Variants in BGN observed in about 807,000 individuals in gnomAD.
BGN encodes the protein biglycan, also known as bone/cartilage proteoglycan-I.
A neutral mutation model predicts 20.0 loss-of-function variants in BGN; 6 were observed. The observed-to-expected ratio is 0.30, with a 90% confidence interval of 0.16 to 0.59. BGN has a LOEUF of 0.59. Among genes scored for constraint, BGN ranks in the 20% least tolerant of loss-of-function variants. The probability of loss-of-function intolerance (pLI) is 0.88; values close to 1 mark genes in which losing one functional copy is unlikely to be tolerated. For synonymous variants in BGN, 146 were observed against 134.6 expected, an observed-to-expected ratio of 1.08 and a Z score of -0.59; for missense variants, 292 against 312.1, an observed-to-expected ratio of 0.94 and a Z score of 0.49.
intron 1 of BGN, among the ~76,000 whole-genome samples, chrX:153,500,799 A>ATGTGTGCATGTGTGCATGTG (rs1556991654): frequency 9.6e-6 from 1 of 104,245 alleles, no homozygotes; most frequent in Non-Finnish European, 2.0e-5. Flanking sequence ...GCATGTGTGT[A>ATGTGTGCATGTGTGCATGTG]TGTGTGCATG....
intron 1 of BGN, among the ~76,000 whole-genome samples, chrX:153,502,301 G>T (rs782591803): frequency 8.9e-6 from 1 of 112,427 alleles, no homozygotes; most frequent in Non-Finnish European, 1.9e-5. Flanking sequence ...CAGGGCTCTG[G>T]CGGGGTGTCC....
chrX:153,499,323 C>T (rs1411470387), intron 1 of BGN, among the ~76,000 whole-genome samples: 1 of 111,715 alleles, frequency 9.0e-6, no homozygotes, highest in Non-Finnish European at 1.9e-5. Flanking sequence ...CAGGAGCGCA[C>T]AGTGGGAAGG....
chrX:153,503,193 G>A (rs1437255336), intron 1 of BGN, among the ~76,000 whole-genome samples: 2 of 112,743 alleles, frequency 1.8e-5, no homozygotes, highest in South Asian at 3.6e-4. Flanking sequence ...GGGAAGCATC[G>A]GGCAGGGCGG....
Position 153,508,194 on chromosome X carries a change from G to A in BGN, c.910-54G>A, listed in dbSNP as rs950618752. 43 of 1,168,533 alleles carry A rather than the reference G, an allele frequency of 3.7e-5. No homozygotes were observed. The East Asian group carries it at 5.4e-4, about 15-fold the overall frequency. On this transcript the variant is annotated intron_variant, in intron 7 of 7. Coordinates refer to ENST00000331595, the MANE Select transcript of BGN (RefSeq NM_001711.6). ...CAGCAAAATGCCTCCTGGAGGCAGC[G>A]GGCTTGGCGTGGAGGGAGGGAGGCC...
chrX:153,503,359 C>T (rs1236213655), intron 1 of BGN, among the ~76,000 whole-genome samples: 1 of 112,444 alleles, frequency 8.9e-6, no homozygotes, highest in Non-Finnish European at 1.9e-5. Flanking sequence ...AAGTGAGGGT[C>T]TCCTGGGCGT....
chrX:153,502,197 G>A (rs1046628259), intron 1 of BGN, among the ~76,000 whole-genome samples: 5 of 112,056 alleles, frequency 4.5e-5, no homozygotes, highest in Non-Finnish European at 7.6e-5. Flanking sequence ...CTGTCCCCTC[G>A]GCCTTCCCCA....
Position 153,504,458 on chromosome X carries a change from G to A in BGN, c.-11-163G>A, listed in dbSNP as rs781997054. On this transcript the variant is annotated intron_variant, in intron 1 of 7. Coordinates refer to ENST00000331595, the MANE Select transcript of BGN (RefSeq NM_001711.6). The stretch of plus-strand genomic sequence containing the variant: ...AGCATCCACTCCCTTCCTGCCTGGA[G>A]CCCTCTGCCCACACTCCGCCCTCTC... Among the ~76,000 whole-genome samples, 164 of 112,610 alleles carry A rather than the reference G, an allele frequency of 1.5e-3. 1 individual carries two copies. The highest frequency in any genetic ancestry group is 5.2e-3 in the African/African-American group (162 of 31,043).
intron 1 of BGN, among the ~76,000 whole-genome samples, chrX:153,495,671 T>C (rs1556990605): frequency 9.0e-6 from 1 of 111,722 alleles, no homozygotes; most frequent in African/African-American, 3.3e-5. Flanking sequence ...GGCCAGTCCT[T>C]GGCATGGGCT....
At position 153,508,636 on chromosome X, in the gene BGN, G is replaced by A; in HGVS notation, c.*191G>A. On this transcript the variant is annotated 3_prime_UTR_variant, in exon 8 of 8. Coordinates refer to ENST00000331595, the MANE Select transcript of BGN (RefSeq NM_001711.6). ...TCCCTGGCTCCCAAGGGTGCAGGTG[G>A]GCGCAAGGCCCGGCCCCCATCACAT... 2 of 512,000 alleles carry A rather than the reference G, an allele frequency of 3.9e-6. No homozygotes were observed. Among genetic ancestry groups the A allele is most frequent in the Non-Finnish European group, 6.3e-6 (2 of 316,790 alleles). 42.2% of individuals were successfully genotyped at this position (512,000 alleles called of 1,213,427 possible). A position where few individuals can be genotyped will look rare whatever the true frequency, so the allele number is the denominator to read the frequency against.
intron 1 of BGN, among the ~76,000 whole-genome samples, chrX:153,503,934 GCCACGGCCTCCACCTCGGGGGCCT>G (rs2089779381): frequency 8.9e-6 from 1 of 112,054 alleles, no homozygotes. Context: ...TGTTGGGGGC[GCCACGGCCTCCACCTCGGGGGCCT>G]CCACTCAGTG....
chrX:153,495,596 G>C (rs1446892240), intron 1 of BGN: 1 of 95,218 alleles, frequency 1.1e-5, no homozygotes, highest in African/African-American at 3.9e-5. Flanking sequence ...GGGTCGGATC[G>C]GGGAGGACCG....
intron 1 of BGN, among the ~76,000 whole-genome samples, chrX:153,503,005 C>G (rs890264412): frequency 1.8e-5 from 2 of 112,856 alleles, no homozygotes; most frequent in Non-Finnish European, 3.8e-5. Context: ...AGCAGATGCT[C>G]CCTGGAGCAC....
At chrX:153,501,594 A>G (rs111269035) in intron 1 of BGN, among the ~76,000 whole-genome samples, 2 of 112,587 alleles carry the variant, frequency 1.8e-5, no homozygotes, top group Non-Finnish European at 3.8e-5. Flanking sequence ...CTCTGACTTC[A>G]TGGGCCCCTT....
rs370902723 is a variant in BGN at position 153,508,639 on chromosome X, G to T, written c.*194G>T. The T allele has an allele frequency of 2.9e-4, 141 of 492,876 alleles. No individual in the cohort carries two copies. In the African/African-American group the frequency reaches 3.3e-3, roughly 12 times the overall value. 40.6% of individuals were successfully genotyped at this position (492,876 alleles called of 1,213,427 possible). A position where few individuals can be genotyped will look rare whatever the true frequency, so the allele number is the denominator to read the frequency against. On this transcript the variant is annotated 3_prime_UTR_variant, in exon 8 of 8. Coordinates refer to ENST00000331595, the MANE Select transcript of BGN (RefSeq NM_001711.6). ...CTGGCTCCCAAGGGTGCAGGTGGGC[G>T]CAAGGCCCGGCCCCCATCACATGTT...
intron 7 of BGN, 136 bp downstream of exon 7, chrX:153,507,321 C>A: frequency 3.4e-6 from 3 of 875,058 alleles, no homozygotes; most frequent in Non-Finnish European, 4.7e-6. Flanking sequence ...GGTCCTGATG[C>A]TCCCAGCTGG....
intron 1 of BGN, among the ~76,000 whole-genome samples, chrX:153,503,226 T>A (rs1556992252): frequency 8.9e-6 from 1 of 112,385 alleles, no homozygotes; most frequent in Non-Finnish European, 1.9e-5. Context: ...GGTGCTGGCC[T>A]GGGGGCAGAG....
chrX:153,495,654 T>C (rs2089708187), intron 1 of BGN: 1 of 111,887 alleles, frequency 8.9e-6, no homozygotes, highest in African/African-American at 3.3e-5. Flanking sequence ...TCCGCTGCAC[T>C]GCCTGAGGCC....
intron 4 of BGN, 109 bp from the exon 5 acceptor site, chrX:153,506,420 C>T (rs1024372254): frequency 5.7e-6 from 4 of 697,373 alleles, no homozygotes; most frequent in Non-Finnish European, 8.7e-6. Flanking sequence ...TTTCAGGAGA[C>T]GGGAGCAGCC....
intron 2 of BGN, 29 bp downstream of exon 2, chrX:153,504,898 C>A (rs781811535): frequency 2.6e-6 from 3 of 1,158,656 alleles, no homozygotes; most frequent in South Asian, 3.7e-5. Flanking sequence ...GGGAGCGGGG[C>A]ATGCAGGGAG....
Sources: gnomAD v4.1 joint callset for allele counts (sites outside exome capture counted in the v4.1 genomes callset) on GRCh38, gnomAD v4.1.1 for gene constraint, MANE v1.5 for transcripts, NCBI Gene and HGNC (gene_info 2026-07-23, HGNC 2026-07-21) for gene names.